EFR3A: variants seen among roughly 807,000 people sequenced by gnomAD.
EFR3A encodes EFR3 homolog A.
A neutral mutation model predicts 104.4 loss-of-function variants in EFR3A; 76 were observed. That is an observed-to-expected ratio of 0.73 (90% CI 0.60 to 0.88). EFR3A has a LOEUF of 0.88. Ranked by LOEUF, EFR3A falls within the 40% of genes least tolerant of loss-of-function variation. The pLI, the probability that EFR3A is intolerant of heterozygous loss-of-function variation, is 0.00. For missense variants in EFR3A, 985 were observed against 1,012.5 expected (o/e 0.97, Z 0.37); for synonymous variants, 330 against 330.0 (o/e 1.00, Z 0.00).
At chr8:131,970,230 G>T (rs184080993) in intron 9 of EFR3A, among the ~76,000 whole-genome samples, 38 of 152,238 alleles carry the variant, frequency 2.5e-4, no homozygotes, top group Non-Finnish European at 4.4e-4. Context: ...TTTTTTAAGG[G>T]TGGAACCAGA....
At chr8:132,010,488 G>A (rs1290552452) in intron 22 of EFR3A, among the ~76,000 whole-genome samples, 1 of 139,372 alleles carries the variant, frequency 7.2e-6, no homozygotes, top group African/African-American at 2.7e-5. Context: ...GATAATATCT[G>A]TATACATGAA....
chr8:131,966,047 A>T (rs913262146), intron 8 of EFR3A, among the ~76,000 whole-genome samples: 1 of 151,786 alleles, frequency 6.6e-6, no homozygotes, highest in Non-Finnish European at 1.5e-5. Context: ...AACATCACAC[A>T]CTGGGGCCTG....
At chr8:131,940,425 C>A in intron 1 of EFR3A, 74 bp from the exon 2 acceptor site, 1 of 1,393,874 alleles carries the variant, frequency 7.2e-7, no homozygotes, top group Non-Finnish European at 9.7e-7. Context: ...CATTAATATT[C>A]AGAAACTTGA....
chr8:131,930,473 A>G (rs756713259), intron 1 of EFR3A, among the ~76,000 whole-genome samples: 2 of 151,634 alleles, frequency 1.3e-5, no homozygotes, highest in African/African-American at 2.4e-5. Context: ...TATCAGCACA[A>G]TCTTAAGAGA....
At chr8:131,934,327 C>G (rs1321858329) in intron 1 of EFR3A, among the ~76,000 whole-genome samples, 1 of 152,202 alleles carries the variant, frequency 6.6e-6, no homozygotes, top group Non-Finnish European at 1.5e-5. Context: ...GTAGTTCAGT[C>G]TTACTTGTTC....
chr8:131,956,281 A>T (rs1818985595), intron 7 of EFR3A, among the ~76,000 whole-genome samples: 1 of 152,102 alleles, frequency 6.6e-6, no homozygotes, highest in East Asian at 1.9e-4. Flanking sequence ...GCTTCTATTT[A>T]TTGGCTCTCT....
At chr8:131,996,202 C>A (rs1221196551) in intron 18 of EFR3A, among the ~76,000 whole-genome samples, 2 of 151,948 alleles carry the variant, frequency 1.3e-5, no homozygotes, top group Non-Finnish European at 2.9e-5. Context: ...TATTTCAGTT[C>A]ACCTCATCAA....
At chr8:131,951,116 G>A (rs1818680319) in intron 5 of EFR3A, among the ~76,000 whole-genome samples, 1 of 151,944 alleles carries the variant, frequency 6.6e-6, no homozygotes, top group Admixed American at 6.6e-5. Flanking sequence ...AATATAACTA[G>A]GTTTTAGTTA....
At chr8:131,966,176 A>T (rs939295256) in intron 8 of EFR3A, among the ~76,000 whole-genome samples, 7 of 152,144 alleles carry the variant, frequency 4.6e-5, no homozygotes, top group Non-Finnish European at 7.3e-5. Flanking sequence ...AAACCTGCAC[A>T]TTGTGCACAT....
rs777021607 is a variant in EFR3A, at chr8:131,978,873, G to T, written c.1353G>T (p.Thr451=). The T allele has an allele frequency of 3.2e-5, 51 of 1,605,366 alleles. No individual in the cohort carries two copies. The South Asian group carries it at 5.6e-4, about 18-fold the overall frequency. The part of the protein sequence containing the change: ...LMVTSGYKAK[T]IVTALPGSFL... ...TGACCTCTGGATATAAAGCGAAGACGATTGTTACTGCACTGCCAGGGTCTT... is the reference window on the plus strand; with the variant it reads ...TGACCTCTGGATATAAAGCGAAGACTATTGTTACTGCACTGCCAGGGTCTT... Residue 451 remains threonine, a synonymous_variant, in exon 13 of 23, where the codon ACG becomes ACT. Transcript: ENST00000254624.
rs1211836965 is a variant in EFR3A at position 131,904,111 on chromosome 8, C to A, written c.-202C>A. 3.9e-6 allele frequency: 2 copies of A among 508,606 alleles called. No homozygotes were observed. Among genetic ancestry groups the A allele is most frequent in the Non-Finnish European group, 6.0e-6 (2 of 333,614 alleles). The allele number at this position is 508,606 out of a possible 1,614,324, so 31.5% of individuals were successfully genotyped here. On this transcript the variant is annotated 5_prime_UTR_variant, in exon 1 of 23. Transcript: ENST00000254624. ...GTGGGTCGTCCGTCGCGCCGCCCGG[C>A]GAGGAGTGGGCTGGCGGCGGTAGCT... is the stretch of plus-strand genomic sequence containing the variant.
intron 6 of EFR3A, 47 bp from the exon 7 acceptor site, chr8:131,955,720 CT>C (rs775420202): frequency 1.6e-5 from 25 of 1,574,390 alleles, no homozygotes; most frequent in Non-Finnish European, 2.1e-5. Context: ...TTTATTAGAA[CT>C]GATATTAAAA....
intron 22 of EFR3A, among the ~76,000 whole-genome samples, chr8:132,009,685 C>G (rs546901564): frequency 6.6e-6 from 1 of 152,174 alleles, no homozygotes; most frequent in East Asian, 1.9e-4. Context: ...AAGTTTTCCA[C>G]TTCACTTCTT....
chr8:131,918,047 G>C (rs895356423), intron 1 of EFR3A, among the ~76,000 whole-genome samples: 1 of 152,196 alleles, frequency 6.6e-6, no homozygotes, highest in African/African-American at 2.4e-5. Context: ...CTAGCACTTT[G>C]GAAGGCAGAG....
chr8:131,950,193 A>G, intron 5 of EFR3A, 103 bp downstream of exon 5: 6 of 1,215,416 alleles, frequency 4.9e-6, no homozygotes, highest in Non-Finnish European at 6.8e-6. Context: ...AATATGCCTG[A>G]AATACGGCTT....
At chr8:131,939,786 G>A (rs932342073) in intron 1 of EFR3A, 2 of 152,096 alleles carry the variant, frequency 1.3e-5, no homozygotes, top group African/African-American at 4.8e-5. Context: ...ATTTATTTTA[G>A]TGTCAGTATT....
intron 22 of EFR3A, among the ~76,000 whole-genome samples, chr8:132,004,871 TA>T (rs1821957953): frequency 6.6e-6 from 1 of 152,198 alleles, no homozygotes; most frequent in African/African-American, 2.4e-5. Flanking sequence ...CTGATGTTCT[TA>T]AAAGGAATGT....
intron 10 of EFR3A, among the ~76,000 whole-genome samples, chr8:131,974,703 G>A (rs1003323378): frequency 7.9e-5 from 12 of 152,104 alleles, no homozygotes; most frequent in Admixed American, 5.9e-4. Flanking sequence ...TATGTATTCC[G>A]TAAGTGTTAA....
At chr8:131,921,112 G>A (rs1438022874) in intron 1 of EFR3A, among the ~76,000 whole-genome samples, 1 of 152,148 alleles carries the variant, frequency 6.6e-6, no homozygotes, top group African/African-American at 2.4e-5. Flanking sequence ...TGGTGTATTA[G>A]TTTGCTGAGC....
Sources: allele counts gnomAD v4.1 joint callset (sites outside exome capture counted in the v4.1 genomes callset), GRCh38; gene constraint gnomAD v4.1.1; transcripts MANE v1.5; gene names NCBI Gene and HGNC (gene_info 2026-07-23, HGNC 2026-07-21).